The following SLC5A5 variants were observed in gnomAD, a reference collection of about 807,000 sequenced individuals.
SLC5A5 encodes the protein solute carrier family 5 member 5.
Under a neutral mutation model 68.6 loss-of-function variants are expected in SLC5A5, and 56 were observed. The ratio of observed to expected loss-of-function variants is 0.82; its 90% CI spans 0.66 to 1.02. The LOEUF is 1.02. Among genes scored for constraint, SLC5A5 ranks in the 50% least tolerant of loss-of-function variants. SLC5A5 has a pLI of 0.00. For synonymous variants in SLC5A5, 398 were observed against 373.0 expected (o/e 1.07, Z -0.77); for missense variants, 807 against 859.8 (o/e 0.94, Z 0.77).
In SLC5A5 at chr19:17,893,829, CT is replaced by C; in HGVS notation, c.1885del (p.Cys629ValfsTer75). ...TGGAGGGGGCTGGCTCTTGGACCCCCTGTGTTGGACATGATGGTGGTCGAGA... is the reference window on the plus strand; with the variant it reads ...TGGAGGGGGCTGGCTCTTGGACCCCCGTGTTGGACATGATGGTGGTCGAGA... ...ELEGAGSWTP[C>X]VGHDGGRDQQ... On this transcript the variant is annotated frameshift_variant, in exon 15 of 15. Transcript: ENST00000222248. LOFTEE classifies it low-confidence loss of function (END_TRUNC). The C allele has an allele frequency of 6.3e-7, 1 of 1,596,558 alleles. No individual in the cohort carries two copies. The highest frequency in any genetic ancestry group is 8.5e-7 in the Non-Finnish European group (1 of 1,170,150).
At chr19:17,877,928 G>T in intron 6 of SLC5A5, 36 bp from the exon 7 acceptor site, 1 of 1,613,822 alleles carries the variant, frequency 6.2e-7, no homozygotes, top group Non-Finnish European at 8.5e-7. Flanking sequence ...CCAGCCTGAG[G>T]CTATCCCCTA....
intron 13 of SLC5A5, among the ~76,000 whole-genome samples, chr19:17,888,688 AG>A (rs2030029515): frequency 6.6e-6 from 1 of 151,224 alleles, no homozygotes; most frequent in Non-Finnish European, 1.5e-5. Context: ...GCTGGAGTGC[AG>A]TGGTGTGATC....
rs1014875655 is a variant in SLC5A5, at chr19:17,875,833, A to T, written c.544-119A>T. On this transcript the variant is annotated intron_variant, in intron 4 of 14. Coordinates refer to ENST00000222248, the MANE Select transcript of SLC5A5 (RefSeq NM_000453.3). ...AACAACACAGTAAGAAGGTATTATT[A>T]TTAATCCCACTTTAGAGAGGAGGAG... 12 of 847,056 alleles carry T rather than the reference A, an allele frequency of 1.4e-5. No individual in the cohort carries two copies. The East Asian group carries it at 2.3e-4, about 17-fold the overall frequency. The allele number at this position is 847,056 out of a possible 1,614,324, so 52.5% of individuals were successfully genotyped here.
chr19:17,883,425 G>A (rs2094325451), intron 10 of SLC5A5, among the ~76,000 whole-genome samples: 2 of 149,554 alleles, frequency 1.3e-5, no homozygotes, highest in East Asian at 2.0e-4. Context: ...AAAAAAAAAA[G>A]AAGAAGAAAG....
chr19:17,873,783 G>A lies in SLC5A5; in HGVS notation c.358-355G>A, dbSNP rs535579566. On this transcript the variant is annotated intron_variant, in intron 1 of 14. Transcript: ENST00000222248. ...CTCCCCCCCAAAAAAATCGTGACAG[G>A]TATATCCTAGGCGGCCAACACCATT... Among the ~76,000 whole-genome samples the A allele has an allele frequency of 1.2e-3, 184 of 152,236 alleles. 1 individual carries two copies. Among genetic ancestry groups the A allele is most frequent in the African/African-American group, 4.3e-3 (179 of 41,504 alleles).
At chr19:17,875,430 A>G (rs973179382) in intron 4 of SLC5A5, among the ~76,000 whole-genome samples, 13 of 151,794 alleles carry the variant, frequency 8.6e-5, no homozygotes, top group Non-Finnish European at 1.9e-4. Context: ...TGACACTCGT[A>G]TATGTCAAGT....
At chr19:17,876,781 G>A (rs2094308324) in intron 5 of SLC5A5, among the ~76,000 whole-genome samples, 1 of 152,078 alleles carries the variant, frequency 6.6e-6, no homozygotes, top group East Asian at 1.9e-4. Context: ...AGAATTGCTT[G>A]AACCCAGGAG....
rs2030316797 is a variant in SLC5A5, at chr19:17,894,137, C to T, written c.*260C>T. 6 of 415,654 alleles carry T rather than the reference C, an allele frequency of 1.4e-5. No homozygotes were observed. The highest frequency in any genetic ancestry group is 4.0e-5 in the Admixed American group (1 of 24,722). 25.7% of individuals were successfully genotyped at this position (415,654 alleles called of 1,614,324 possible). On this transcript the variant is annotated 3_prime_UTR_variant, in exon 15 of 15. Transcript: ENST00000222248. ...CCCCCAAATAAGGCTGGGTTTTTCT[C>T]TCTCTCTTTTTTTTTTTTTTTTTTT...
chr19:17,889,822 T>C (rs769899859), intron 13 of SLC5A5, among the ~76,000 whole-genome samples: 8 of 152,168 alleles, frequency 5.3e-5, no homozygotes, highest in Non-Finnish European at 1.0e-4. Flanking sequence ...AAATATCTTC[T>C]AAAGCTGCCG....
At chr19:17,881,010 C>A in intron 8 of SLC5A5, 57 bp downstream of exon 8, 3 of 1,268,132 alleles carry the variant, frequency 2.4e-6, no homozygotes, top group Admixed American at 1.7e-5. Context: ...GCCTCCTTAT[C>A]CTGGCCTGCC....
In SLC5A5 at chr19:17,872,167, C is replaced by T. The variant is rs2094295603; in HGVS notation, c.-153C>T. On this transcript the variant is annotated 5_prime_UTR_variant, in exon 1 of 15. Transcript: ENST00000222248. ...TTCCTAACCCAGGGAGCCCCGGCCC[C>T]TCTCGCCGCTTCCCACCCCAGACGG... is the stretch of plus-strand genomic sequence containing the variant. The T allele has an allele frequency of 1.6e-6, 1 of 622,172 alleles. No homozygotes were observed. The allele number at this position is 622,172 out of a possible 1,614,324, so 38.5% of individuals were successfully genotyped here.
intron 12 of SLC5A5, among the ~76,000 whole-genome samples, chr19:17,887,325 A>C (rs1355401715): frequency 6.6e-6 from 1 of 151,918 alleles, no homozygotes; most frequent in Admixed American, 6.6e-5. Flanking sequence ...GATGGAGTCT[A>C]ACTCTGTCAC....
chr19:17,886,410 C>T (rs777205235), intron 12 of SLC5A5, among the ~76,000 whole-genome samples: 2 of 150,948 alleles, frequency 1.3e-5, no homozygotes, highest in African/African-American at 2.4e-5. Context: ...TGGGTTCAAG[C>T]GATTCTCCCG....
chr19:17,878,330 C>T (rs1305305016), intron 7 of SLC5A5, among the ~76,000 whole-genome samples: 1 of 151,958 alleles, frequency 6.6e-6, no homozygotes, highest in African/African-American at 2.4e-5. Context: ...CATGGTGAAA[C>T]CCTGTCTCTA....
chr19:17,893,904 C>T lies in SLC5A5; in HGVS notation c.*27C>T, dbSNP rs1168873474. On this transcript the variant is annotated 3_prime_UTR_variant, in exon 15 of 15. Coordinates refer to ENST00000222248, the MANE Select transcript of SLC5A5 (RefSeq NM_000453.3). The stretch of plus-strand genomic sequence containing the variant: ...GACAGGGCCAGCCGCGGGACTGACA[C>T]CCTGGGATGGAACCTCAGGATGGGC... 5 of 1,550,924 alleles carry T rather than the reference C, an allele frequency of 3.2e-6. No individual in the cohort carries two copies. The highest frequency in any genetic ancestry group is 2.0e-5 in the Admixed American group (1 of 51,048).
At chr19:17,886,239 G>C (rs1157671406) in intron 12 of SLC5A5, among the ~76,000 whole-genome samples, 3 of 151,220 alleles carry the variant, frequency 2.0e-5, no homozygotes, top group Non-Finnish European at 4.4e-5. Flanking sequence ...TTTTGGTATG[G>C]ACATATGTTT....
At chr19:17,876,206 G>T (rs1226653307) in intron 5 of SLC5A5, 100 bp downstream of exon 5, 2 of 1,250,148 alleles carry the variant, frequency 1.6e-6, no homozygotes, top group Non-Finnish European at 2.3e-6. Flanking sequence ...GAGGCGGGCA[G>T]ATCACTTGAG....
At chr19:17,882,396 C>A (rs543489550) in intron 10 of SLC5A5, among the ~76,000 whole-genome samples, 177 bp downstream of exon 10, 1 of 151,698 alleles carries the variant, frequency 6.6e-6, no homozygotes, top group Non-Finnish European at 1.5e-5. Flanking sequence ...TGAGCAGAGG[C>A]CCGATCATAG....
chr19:17,887,849 AC>A (rs201663984), intron 12 of SLC5A5, among the ~76,000 whole-genome samples: 3,518 of 147,028 alleles, frequency 0.024, 133 homozygotes, highest in African/African-American at 0.083. Flanking sequence ...CTCGTGATCC[AC>A]CCGCCTTGGC....
Sources: allele counts gnomAD v4.1 joint callset (sites outside exome capture counted in the v4.1 genomes callset), GRCh38; gene constraint gnomAD v4.1.1; transcripts MANE v1.5; gene names NCBI Gene and HGNC (gene_info 2026-07-23, HGNC 2026-07-21).